Variants in CNKSR2 observed in about 807,000 individuals in gnomAD.
CNKSR2 encodes the protein connector enhancer of kinase suppressor of Ras 2.
CNKSR2 carries 14 observed loss-of-function variants against 84.4 expected under a neutral mutation model. The observed-to-expected ratio is 0.17, with a 90% confidence interval of 0.11 to 0.26. The LOEUF (loss-of-function observed/expected upper bound fraction) is 0.26, where lower values mean the gene tolerates loss of function less well. CNKSR2 is among the 10% of genes least tolerant of loss of function. The pLI is 1.00. For synonymous variants in CNKSR2, 275 were observed against 277.9 expected (o/e 0.99, Z 0.10); for missense variants, 485 against 771.2 (o/e 0.63, Z 4.40).
At chrX:21,634,862 T>TTA (rs1327682167) in intron 20 of CNKSR2, among the ~76,000 whole-genome samples, 11 of 107,494 alleles carry the variant, frequency 1.0e-4, no homozygotes, top group East Asian at 3.0e-4. Context: ...AAGATCTATG[T>TTA]TATATATATA....
At chrX:21,537,407 A>C (rs1392121143) in intron 11 of CNKSR2, among the ~76,000 whole-genome samples, 1 of 111,302 alleles carries the variant, frequency 9.0e-6, no homozygotes, top group Admixed American at 9.6e-5. Flanking sequence ...TTTAAGTCTG[A>C]CATTTCTGTG....
At chrX:21,394,580 ATTG>A (rs2146972125) in intron 1 of CNKSR2, among the ~76,000 whole-genome samples, 1 of 111,494 alleles carries the variant, frequency 9.0e-6, no homozygotes, top group Admixed American at 9.5e-5. Context: ...GTCCTAAAGC[ATTG>A]TTGTTGATGG....
chrX:21,562,848 T>C (rs1667920115), intron 12 of CNKSR2, among the ~76,000 whole-genome samples: 2 of 111,319 alleles, frequency 1.8e-5, no homozygotes, highest in Non-Finnish European at 1.9e-5. Context: ...TATTGGGCTT[T>C]GGCAAAATCC....
chrX:21,560,351 A>G (rs1260261822), intron 11 of CNKSR2, among the ~76,000 whole-genome samples: 3 of 110,874 alleles, frequency 2.7e-5, no homozygotes, highest in Non-Finnish European at 5.7e-5. Context: ...CCTGGGTTTG[A>G]ATCCTGATAC....
At chrX:21,444,674 G>A (rs1257230332) in intron 4 of CNKSR2, among the ~76,000 whole-genome samples, 1 of 108,806 alleles carries the variant, frequency 9.2e-6, no homozygotes, top group Non-Finnish European at 1.9e-5. Context: ...CTAGTTTCTC[G>A]CTCCACAGAA....
At chrX:21,625,459 T>C (rs1185233628) in intron 20 of CNKSR2, among the ~76,000 whole-genome samples, 4 of 111,884 alleles carry the variant, frequency 3.6e-5, no homozygotes, top group Admixed American at 1.9e-4. Context: ...AGGTTTTTTA[T>C]AGTAGTTCCA....
chrX:21,489,966 AC>A (rs1408472348), intron 5 of CNKSR2, among the ~76,000 whole-genome samples: 6 of 111,796 alleles, frequency 5.4e-5, no homozygotes, highest in African/African-American at 9.8e-5. Flanking sequence ...GAGGTGGGAA[AC>A]TTTATACAAA....
At chrX:21,512,241 C>A (rs1015712031) in intron 8 of CNKSR2, among the ~76,000 whole-genome samples, 3 of 111,571 alleles carry the variant, frequency 2.7e-5, no homozygotes, top group Admixed American at 1.9e-4. Context: ...CCAGTAATAT[C>A]AGCCTCACTT....
intron 1 of CNKSR2, among the ~76,000 whole-genome samples, chrX:21,391,461 C>T (rs1379388924): frequency 8.9e-6 from 1 of 112,378 alleles, no homozygotes; most frequent in East Asian, 2.8e-4. Context: ...CCAAGGTTTA[C>T]AGCTTGTACC....
chrX:21,626,006 A>T (rs753139457), intron 20 of CNKSR2, among the ~76,000 whole-genome samples: 71 of 112,015 alleles, frequency 6.3e-4, no homozygotes, highest in African/African-American at 2.2e-3. Flanking sequence ...CAAAGATTTT[A>T]AAATTACAGA....
intron 4 of CNKSR2, among the ~76,000 whole-genome samples, chrX:21,444,900 C>T (rs1320966465): frequency 9.0e-6 from 1 of 110,941 alleles, no homozygotes; most frequent in Non-Finnish European, 1.9e-5. Context: ...ATTTTGATTA[C>T]CCAGGAATGT....
At chrX:21,538,154 GT>G (rs777468103) in intron 11 of CNKSR2, 44 of 111,264 alleles carry the variant, frequency 4.0e-4, no homozygotes, top group African/African-American at 1.2e-3. Context: ...GTCTTTTCTT[GT>G]CTGGGAAAGA....
chrX:21,556,430 C>T (rs2092140561), intron 11 of CNKSR2, among the ~76,000 whole-genome samples: 1 of 111,166 alleles, frequency 9.0e-6, no homozygotes, highest in Non-Finnish European at 1.9e-5. Flanking sequence ...CACAGAGAAT[C>T]CTGACCTAGA....
intron 4 of CNKSR2, among the ~76,000 whole-genome samples, chrX:21,459,633 T>A: frequency 2.7e-5 from 3 of 110,897 alleles, no homozygotes; most frequent in Non-Finnish European, 5.7e-5. Context: ...TTATAATCTT[T>A]ACATCAGCTG....
rs1204750307 is a variant in CNKSR2, at chrX:21,609,408, A to C, written c.2483A>C (p.Glu828Ala). Residue 828 changes from glutamate (E) to alanine (A), a missense_variant, in exon 20 of 22, where the codon GAG becomes GCG. Glu to Ala is a moderately radical substitution (Grantham distance 107). Coordinates refer to ENST00000379510, the MANE Select transcript of CNKSR2 (RefSeq NM_014927.5). Reference protein sequence around the residue: ...QDHYGPYPLAESERMQVLNGN... With the variant: ...QDHYGPYPLAASERMQVLNGN... ...CACTATGGGCCATACCCCTTAGCTG[A>C]GAGTGAGAGGATGCAAGTGCTAAAT... 14 of 1,209,377 alleles carry C rather than the reference A, an allele frequency of 1.2e-5. No homozygotes were observed. Among genetic ancestry groups the C allele is most frequent in the Non-Finnish European group, 1.5e-5 (13 of 895,122 alleles).
chrX:21,569,448 C>A (rs2092266935), intron 13 of CNKSR2, among the ~76,000 whole-genome samples: 1 of 111,989 alleles, frequency 8.9e-6, no homozygotes, highest in Admixed American at 9.5e-5. Context: ...AAATTGGGGT[C>A]AGGCTCTACT....
At chrX:21,506,480 C>G (rs188217715) in intron 8 of CNKSR2, 1 of 111,477 alleles carries the variant, frequency 9.0e-6, no homozygotes, top group African/African-American at 3.2e-5. Flanking sequence ...TGTGTGGAAA[C>G]TGGTTTTGAA....
intron 1 of CNKSR2, among the ~76,000 whole-genome samples, chrX:21,392,199 C>T (rs1345591052): frequency 8.9e-6 from 1 of 111,851 alleles, no homozygotes; most frequent in Non-Finnish European, 1.9e-5. Context: ...TTCTTCTGAG[C>T]CCTCCAGACT....
chrX:21,450,608 GA>G (rs1357782390), intron 4 of CNKSR2, among the ~76,000 whole-genome samples: 2 of 111,518 alleles, frequency 1.8e-5, no homozygotes, highest in Non-Finnish European at 1.9e-5. Flanking sequence ...AATTAATGTT[GA>G]ATTTATATTT....
Sources: allele counts gnomAD v4.1 joint callset (sites outside exome capture counted in the v4.1 genomes callset), GRCh38; gene constraint gnomAD v4.1.1; transcripts MANE v1.5; gene names NCBI Gene and HGNC (gene_info 2026-07-23, HGNC 2026-07-21).